GRB14: variants seen among roughly 807,000 people sequenced by gnomAD.
GRB14 encodes growth factor receptor bound protein 14, also known as growth factor receptor-bound protein 14.
In GRB14, 38 loss-of-function variants were observed where a neutral mutation model predicts 69.1. The ratio of observed to expected loss-of-function variants is 0.55; its 90% confidence interval spans 0.42 to 0.72. GRB14 has a LOEUF of 0.72. GRB14 is among the 30% of genes least tolerant of loss of function. The pLI, the probability that GRB14 is intolerant of heterozygous loss-of-function variation, is 0.00. For missense variants in GRB14, 666 were observed against 666.1 expected (o/e 1.00, Z 0.00); for synonymous variants, 247 against 241.3 (o/e 1.02, Z -0.22).
intron 2 of GRB14, among the ~76,000 whole-genome samples, chr2:164,576,244 T>G (rs888034210): frequency 6.6e-6 from 1 of 151,226 alleles, no homozygotes; most frequent in Non-Finnish European, 1.5e-5. Context: ...ATACTATTAA[T>G]TGACTGTTAT....
rs1172149262 is a variant in GRB14, at chr2:164,493,089, T to C, written c.1570A>G (p.Lys524Glu). 6.2e-7 allele frequency: 1 copy of C among 1,613,552 alleles called. No homozygotes were observed. Among genetic ancestry groups the C allele is most frequent in the Non-Finnish European group, 8.5e-7 (1 of 1,179,700 alleles). Residue 524 changes from lysine (K) to glutamate (E), a missense_variant, in exon 14 of 14, where the codon AAG becomes GAG. Transcript: ENST00000263915. Reference sequence around the variant, plus strand: ...TTCAACTTGCAAGGAAGAACGCCCTTATTGAGTTGATAGAACTCCACCAGC... The same window carrying C: ...TTCAACTTGCAAGGAAGAACGCCCTCATTGAGTTGATAGAACTCCACCAGC... The part of the protein sequence containing the change: ...IQLVEFYQLN[K>E]GVLPCKLKHY...
intron 3 of GRB14, 41 bp from the exon 4 acceptor site, chr2:164,527,176 AATATATATATATATAT>A (rs57531034): frequency 0.089 from 22,160 of 249,406 alleles, 882 homozygotes; most frequent in Admixed American, 0.11. Context: ...CAGATAGACA[AATATATATATATATAT>A]ATATATATAT....
chr2:164,509,469 G>A (rs2105267690), intron 6 of GRB14, among the ~76,000 whole-genome samples: 1 of 152,322 alleles, frequency 6.6e-6, no homozygotes, highest in African/African-American at 2.4e-5. Flanking sequence ...GTGGAATCAT[G>A]AACAGCTATT....
At position 164,610,874 on chromosome 2, in the gene GRB14, T is replaced by TAA. The variant is rs1294119832; in HGVS notation, c.324+8811_324+8812dup. ...GAGAAATGTGATGGGAAAAAAAAAT[T>TAA]AAAAAAAAAAAAAAAACAGGCTACA... On this transcript the variant is annotated intron_variant, in intron 2 of 13. Coordinates refer to ENST00000263915, the MANE Select transcript of GRB14 (RefSeq NM_004490.3). Among the ~76,000 whole-genome samples, 29 of 48,166 alleles carry TAA rather than the reference T, an allele frequency of 6.0e-4. 1 individual carries two copies. The highest frequency in any genetic ancestry group is 1.7e-3 in the African/African-American group (22 of 12,748). The allele number at this position is 48,166 out of a possible 152,430, so 31.6% of individuals were successfully genotyped here. A position where few individuals can be genotyped will look rare whatever the true frequency, so the allele number is the denominator to read the frequency against.
intron 2 of GRB14, among the ~76,000 whole-genome samples, chr2:164,613,795 GAACA>G (rs1363938321): frequency 1.3e-5 from 2 of 152,112 alleles, no homozygotes; most frequent in Non-Finnish European, 2.9e-5. Flanking sequence ...TGTTTTGTCT[GAACA>G]ATCAATACCT....
chr2:164,538,343 G>A (rs1216671831), intron 3 of GRB14, among the ~76,000 whole-genome samples: 1 of 152,118 alleles, frequency 6.6e-6, no homozygotes, highest in Non-Finnish European at 1.5e-5. Context: ...AGACAAACAT[G>A]GATCCCATTA....
At chr2:164,600,474 C>G (rs1689888934) in intron 2 of GRB14, among the ~76,000 whole-genome samples, 1 of 151,986 alleles carries the variant, frequency 6.6e-6, no homozygotes, top group Non-Finnish European at 1.5e-5. Context: ...TATTTCAAAC[C>G]CTGATTCAAT....
chr2:164,497,779 C>T lies in GRB14; in HGVS notation c.1105-289G>A, dbSNP rs148935492. ...TTAAAAGCTTTTAAAGTATGTCTTT[C>T]TTCTAAAACAAACTTATCTTTTCAC... On this transcript the variant is annotated intron_variant, in intron 9 of 13. Coordinates refer to ENST00000263915, the MANE Select transcript of GRB14 (RefSeq NM_004490.3). Among the ~76,000 whole-genome samples, 240 of 152,230 alleles carry T rather than the reference C, an allele frequency of 1.6e-3. 3 individuals carry two copies. Among genetic ancestry groups the T allele is most frequent in the African/African-American group, 4.3e-3 (178 of 41,558 alleles).
chr2:164,599,739 T>C (rs1023045203), intron 2 of GRB14, among the ~76,000 whole-genome samples: 6 of 152,224 alleles, frequency 3.9e-5, no homozygotes, highest in African/African-American at 1.4e-4. Context: ...GAATGACATA[T>C]ATCTTCAATT....
At chr2:164,548,386 ATG>A (rs141142342) in intron 2 of GRB14, among the ~76,000 whole-genome samples, 48 of 150,618 alleles carry the variant, frequency 3.2e-4, no homozygotes, top group Non-Finnish European at 4.2e-4. Flanking sequence ...GTGTATCTGT[ATG>A]TGTGTGTGTG....
At chr2:164,532,509 G>T (rs1687967862) in intron 3 of GRB14, among the ~76,000 whole-genome samples, 1 of 152,110 alleles carries the variant, frequency 6.6e-6, no homozygotes, top group African/African-American at 2.4e-5. Flanking sequence ...GAAATGGGGG[G>T]AATATCCTGG....
intron 3 of GRB14, among the ~76,000 whole-genome samples, chr2:164,544,414 T>G (rs1001188896): frequency 2.4e-4 from 36 of 152,196 alleles, no homozygotes; most frequent in African/African-American, 8.2e-4. Context: ...AAAAAAAAAT[T>G]TAAGTCCCCC....
At chr2:164,524,643 G>T (rs1413381206) in intron 5 of GRB14, among the ~76,000 whole-genome samples, 1 of 151,966 alleles carries the variant, frequency 6.6e-6, no homozygotes, top group African/African-American at 2.4e-5. Flanking sequence ...AGCTGATACT[G>T]AGTATCTATT....
chr2:164,573,744 C>A, intron 2 of GRB14: 3 of 1,606,576 alleles, frequency 1.9e-6, no homozygotes, highest in Non-Finnish European at 2.6e-6. Flanking sequence ...AATATTCATG[C>A]CCGTCTCTTC....
At chr2:164,522,848 C>G (rs1687668928) in intron 5 of GRB14, among the ~76,000 whole-genome samples, 1 of 152,044 alleles carries the variant, frequency 6.6e-6, no homozygotes, top group African/African-American at 2.4e-5. Context: ...TGCGAGCAAG[C>G]CTGTCATTGC....
At chr2:164,540,959 A>G (rs1328082534) in intron 3 of GRB14, among the ~76,000 whole-genome samples, 1 of 152,186 alleles carries the variant, frequency 6.6e-6, no homozygotes, top group Non-Finnish European at 1.5e-5. Context: ...AATACTCAAG[A>G]TATATTTTAA....
At chr2:164,559,481 A>G (rs573003288) in intron 2 of GRB14, among the ~76,000 whole-genome samples, 5 of 152,192 alleles carry the variant, frequency 3.3e-5, no homozygotes, top group Admixed American at 1.3e-4. Flanking sequence ...CCATTGTATC[A>G]TTCTTATGCC....
intron 2 of GRB14, among the ~76,000 whole-genome samples, chr2:164,618,559 A>G (rs1690364797): frequency 6.6e-6 from 1 of 151,684 alleles, no homozygotes; most frequent in Non-Finnish European, 1.5e-5. Flanking sequence ...ATTTATTCCC[A>G]TTTTCTCCAA....
intron 2 of GRB14, among the ~76,000 whole-genome samples, chr2:164,591,701 CTG>C (rs1689667976): frequency 6.6e-6 from 1 of 152,188 alleles, no homozygotes; most frequent in Non-Finnish European, 1.5e-5. Context: ...CTTGAGCCTA[CTG>C]CCTTGTCCAA....
Sources: gnomAD v4.1 joint callset for allele counts (sites outside exome capture counted in the v4.1 genomes callset) on GRCh38, gnomAD v4.1.1 for gene constraint, MANE v1.5 for transcripts, NCBI Gene and HGNC (gene_info 2026-07-23, HGNC 2026-07-21) for gene names.